The following RASGEF1C variants were observed in gnomAD, a reference collection of about 807,000 sequenced individuals.
RASGEF1C encodes the protein RasGEF domain family member 1C.
Under a neutral mutation model 58.1 loss-of-function variants are expected in RASGEF1C, and 27 were observed. The observed-to-expected ratio is 0.46, with a 90% CI of 0.34 to 0.64. The LOEUF (loss-of-function observed/expected upper bound fraction) is 0.64, where lower values mean the gene tolerates loss of function less well. Among genes scored for constraint, RASGEF1C ranks in the 30% least tolerant of loss-of-function variants. The probability of loss-of-function intolerance (pLI) is 0.01; values close to 1 mark genes in which losing one functional copy is unlikely to be tolerated. For missense variants in RASGEF1C, 502 were observed against 605.1 expected, an observed-to-expected ratio of 0.83 and a Z score of 1.79; for synonymous variants, 243 against 246.3, an observed-to-expected ratio of 0.99 and a Z score of 0.13.
intron 1 of RASGEF1C, among the ~76,000 whole-genome samples, chr5:180,138,863 C>T (rs1766531439): frequency 6.6e-6 from 1 of 152,174 alleles, no homozygotes; most frequent in Non-Finnish European, 1.5e-5. Context: ...GCTCTCCCAC[C>T]ATCTTCACTC....
intron 4 of RASGEF1C, among the ~76,000 whole-genome samples, chr5:180,136,084 A>G (rs568858701): frequency 5.9e-5 from 9 of 152,200 alleles, no homozygotes; most frequent in Non-Finnish European, 1.2e-4. Context: ...AGCCCCGCCT[A>G]GTAGGTCAGA....
Position 180,128,430 on chromosome 5 carries a change from G to T in RASGEF1C, c.619C>A (p.Gln207Lys). The T allele has an allele frequency of 6.2e-7, 1 of 1,613,812 alleles. No homozygotes were observed. Among genetic ancestry groups the T allele is most frequent in the Non-Finnish European group, 8.5e-7 (1 of 1,179,990 alleles). ...CTTACCAGTTCCACGTGGGTCAGCTGCTGGGCCAGTGTGTAGGGGTCGCTG... is the reference window on the plus strand; with the variant it reads ...CTTACCAGTTCCACGTGGGTCAGCTTCTGGGCCAGTGTGTAGGGGTCGCTG... ...VCSDPYTLAQ[Q>K]LTHVELERLR... is the part of the protein sequence containing the mutation. The change falls in exon 5 of 14, where the codon CAG becomes AAG. Residue 207 changes from glutamine to lysine, a missense_variant. Coordinates refer to ENST00000361132, the MANE Select transcript of RASGEF1C (RefSeq NM_175062.4).
At position 180,199,884 on chromosome 5, in the gene RASGEF1C, G is replaced by A. The variant is rs201376323; in HGVS notation, c.-7+9144C>T. ...ATTGTGGTTTCCTAGAAGAATTTCC[G>A]TGTTCTAAGGTGATGCTGATGTCTT... On this transcript the variant is annotated intron_variant, in intron 1 of 13. Coordinates refer to ENST00000361132, the MANE Select transcript of RASGEF1C (RefSeq NM_175062.4). Among the ~76,000 whole-genome samples the A allele has an allele frequency of 5.3e-5, 8 of 152,238 alleles. No individual in the cohort carries two copies. In the East Asian group the frequency reaches 7.7e-4, roughly 15 times the overall value.
chr5:180,128,744 G>A, intron 4 of RASGEF1C, 134 bp from the exon 5 acceptor site: 2 of 897,550 alleles, frequency 2.2e-6, no homozygotes, highest in East Asian at 2.6e-5. Context: ...CCAGGTACCA[G>A]CGCAGGGGCC....
At chr5:180,204,379 C>T (rs1175424314) in intron 1 of RASGEF1C, among the ~76,000 whole-genome samples, 1 of 152,148 alleles carries the variant, frequency 6.6e-6, no homozygotes, top group East Asian at 1.9e-4. Flanking sequence ...ACATCATGTC[C>T]AAGTGGGACT....
chr5:180,152,223 A>G (rs1163315463), intron 1 of RASGEF1C, among the ~76,000 whole-genome samples: 4 of 152,162 alleles, frequency 2.6e-5, no homozygotes, highest in African/African-American at 9.7e-5. Context: ...TACTGGGTAT[A>G]TACCCAAAGG....
rs1038428292 is a variant in RASGEF1C, at chr5:180,137,576, G to A, written c.300+14C>T. On this transcript the variant is annotated intron_variant, in intron 3 of 13. Transcript: ENST00000361132. This position sits in a 1 kb window ranked among gnomAD's most constrained non-coding sequence, Gnocchi z 4.1. Reference sequence around the variant, plus strand: ...GGTACACTCTGAGACCCCCTGGCCTGCCCTCCGCCTCACCTTGTCCAGCAC... The same window carrying A: ...GGTACACTCTGAGACCCCCTGGCCTACCCTCCGCCTCACCTTGTCCAGCAC... The A allele has an allele frequency of 9.3e-6, 15 of 1,606,788 alleles. No homozygotes were observed. Among genetic ancestry groups the A allele is most frequent in the Middle Eastern group, 1.8e-4 (1 of 5,420 alleles).
At chr5:180,208,015 A>G (rs1756519176) in intron 1 of RASGEF1C, among the ~76,000 whole-genome samples, 1 of 152,184 alleles carries the variant, frequency 6.6e-6, no homozygotes, top group Non-Finnish European at 1.5e-5. Context: ...TTACGGGGGC[A>G]GGCAGCAGGC....
At position 180,137,668 on chromosome 5, in the gene RASGEF1C, G is replaced by T. The variant is rs1012710199; in HGVS notation, c.222C>A (p.Ile74=). 1 of 1,612,768 alleles carries T rather than the reference G, an allele frequency of 6.2e-7. No individual in the cohort carries two copies. The highest frequency in any genetic ancestry group is 8.5e-7 in the Non-Finnish European group (1 of 1,180,004). Residue 74 remains isoleucine, a synonymous_variant, in exon 3 of 14, where the codon ATC becomes ATA. Coordinates refer to ENST00000361132, the MANE Select transcript of RASGEF1C (RefSeq NM_175062.4). This position sits in a 1 kb window ranked among gnomAD's most constrained non-coding sequence, Gnocchi z 4.1. ...FTFLLSSRLF[I]EPRELLARVC... is the part of the protein sequence containing the mutation. ...CCCGGGCCAGGAGCTCCCGGGGCTC[G>T]ATGAAGAGGCGAGAGCTCAGCAGGA...
intron 1 of RASGEF1C, among the ~76,000 whole-genome samples, chr5:180,173,060 T>C (rs374354578): frequency 1.1e-4 from 16 of 152,286 alleles, no homozygotes; most frequent in African/African-American, 3.8e-4. Context: ...CCTGCCTGGC[T>C]CTCCTGCCTG....
intron 1 of RASGEF1C, among the ~76,000 whole-genome samples, chr5:180,194,040 G>GAA (rs1292452872): frequency 7.4e-6 from 1 of 134,806 alleles, no homozygotes; most frequent in South Asian, 2.4e-4. Context: ...TGAAAAGGTT[G>GAA]AAAAAAAAAA....
Position 180,156,183 on chromosome 5 carries a change from T to C in RASGEF1C, c.-6-18125A>G, listed in dbSNP as rs993721374. Among the ~76,000 whole-genome samples the C allele has an allele frequency of 6.6e-6, 1 of 152,170 alleles. No individual in the cohort carries two copies. Among genetic ancestry groups the C allele is most frequent in the African/African-American group, 2.4e-5 (1 of 41,440 alleles). ...TTTTCTTTGTAGTTCCACCTGTGTATTTATCCCCAAATACCCTGCCTAGTT... is the reference window on the plus strand; with the variant it reads ...TTTTCTTTGTAGTTCCACCTGTGTACTTATCCCCAAATACCCTGCCTAGTT... On this transcript the variant is annotated intron_variant, in intron 1 of 13. Coordinates refer to ENST00000361132, the MANE Select transcript of RASGEF1C (RefSeq NM_175062.4). This position sits in a 1 kb window ranked among gnomAD's most constrained non-coding sequence, Gnocchi z 4.9.
In RASGEF1C at chr5:180,156,850, A is replaced by G. The variant is rs188815655; in HGVS notation, c.-6-18792T>C. Among the ~76,000 whole-genome samples the G allele has an allele frequency of 6.2e-4, 95 of 152,360 alleles. No homozygotes were observed. The highest frequency in any genetic ancestry group is 5.6e-3 in the Admixed American group (86 of 15,302). On this transcript the variant is annotated intron_variant, in intron 1 of 13. Transcript: ENST00000361132. The surrounding 1 kb of genome is among the most constrained non-coding windows in gnomAD (Gnocchi z 4.9). ...AAGAAAACAAACAACCTGATTAATA[A>G]AGGAGACAAAGACCTTAACAGGCAC... is the stretch of plus-strand genomic sequence containing the variant.
At chr5:180,115,853 C>T (rs1766057267) in intron 10 of RASGEF1C, among the ~76,000 whole-genome samples, 1 of 151,740 alleles carries the variant, frequency 6.6e-6, no homozygotes, top group African/African-American at 2.4e-5. Context: ...CCTCACTGTG[C>T]CGGGATCAGT....
Position 180,125,787 on chromosome 5 carries a change from A to C in RASGEF1C, c.714+1822T>G, listed in dbSNP as rs189670504. On this transcript the variant is annotated intron_variant, in intron 6 of 13. Transcript: ENST00000361132. ...ACAAAAGTGAGTGAGACTCCATCTC[A>C]AAAAAAAAAAGCTAATCTTAATTGC... 8.7e-3 allele frequency among the ~76,000 whole-genome samples: 1,189 copies of C among 136,166 alleles called. 10 individuals carry two copies. The highest frequency in any genetic ancestry group is 0.018 in the Middle Eastern group (5 of 282). 89.3% of individuals were successfully genotyped at this position (136,166 alleles called of 152,430 possible). A position where few individuals can be genotyped will look rare whatever the true frequency, so the allele number is the denominator to read the frequency against.
At chr5:180,104,181 G>A (rs1934138557) in intron 12 of RASGEF1C, among the ~76,000 whole-genome samples, 1 of 152,150 alleles carries the variant, frequency 6.6e-6, no homozygotes, top group Admixed American at 6.5e-5. Flanking sequence ...ACTGGTGCCA[G>A]GGTTTGAATG....
In RASGEF1C at chr5:180,198,085, C is replaced by T. The variant is rs1057307555; in HGVS notation, c.-7+10943G>A. The stretch of plus-strand genomic sequence containing the variant: ...GCCTTTCACAGATGAGTCTGTAGGA[C>T]GCTTCCTGGACAGGCTTATGGGGCG... On this transcript the variant is annotated intron_variant, in intron 1 of 13. Coordinates refer to ENST00000361132, the MANE Select transcript of RASGEF1C (RefSeq NM_175062.4). The surrounding 1 kb of genome is among the most constrained non-coding windows in gnomAD (Gnocchi z 4.5). Among the ~76,000 whole-genome samples, 3 of 152,200 alleles carry T rather than the reference C, an allele frequency of 2.0e-5. No homozygotes were observed. Among genetic ancestry groups the T allele is most frequent in the African/African-American group, 4.8e-5 (2 of 41,448 alleles).
rs1756512924 is a variant in RASGEF1C at position 180,207,657 on chromosome 5, G to A, written c.-7+1371C>T. On this transcript the variant is annotated intron_variant, in intron 1 of 13. Coordinates refer to ENST00000361132, the MANE Select transcript of RASGEF1C (RefSeq NM_175062.4). ...CTGCCCTCCCTCTCCTGCCCCGGCA[G>A]TGCGCCCACCCGCCGCCACGGGCAG... Among the ~76,000 whole-genome samples the A allele has an allele frequency of 1.5e-4, 17 of 116,362 alleles. No homozygotes were observed. In the South Asian group the frequency reaches 4.6e-3, roughly 32 times the overall value. The allele number at this position is 116,362 out of a possible 152,430, so 76.3% of individuals were successfully genotyped here.
At position 180,197,623 on chromosome 5, in the gene RASGEF1C, A is replaced by ATGTC. The variant is rs780573960; in HGVS notation, c.-7+11401_-7+11404dup. On this transcript the variant is annotated intron_variant, in intron 1 of 13. Coordinates refer to ENST00000361132, the MANE Select transcript of RASGEF1C (RefSeq NM_175062.4). The surrounding 1 kb of genome is among the most constrained non-coding windows in gnomAD (Gnocchi z 4.7). ...CCCACACTGGCTGCATGGCCCTGGG[A>ATGTC]TGTCCCCTTGTGTCCCTGAGCCTCA... 3.3e-5 allele frequency among the ~76,000 whole-genome samples: 5 copies of ATGTC among 152,270 alleles called. No individual in the cohort carries two copies. In the South Asian group the frequency reaches 1.0e-3, roughly 32 times the overall value.
Sources: allele counts gnomAD v4.1 joint callset (sites outside exome capture counted in the v4.1 genomes callset), GRCh38; gene constraint gnomAD v4.1.1; non-coding constraint Gnocchi (gnomAD v3.1); transcripts MANE v1.5; gene names NCBI Gene and HGNC (gene_info 2026-07-23, HGNC 2026-07-21).